The following FRMPD2 variants were observed in gnomAD, a reference collection of about 807,000 sequenced individuals.
FRMPD2 encodes the protein FERM and PDZ domain containing 2.
FRMPD2 carries 96 observed loss-of-function variants against 140.1 expected under a neutral mutation model. The ratio of observed to expected loss-of-function variants is 0.69; its 90% CI spans 0.58 to 0.81. FRMPD2 has a LOEUF of 0.81. FRMPD2 is among the 40% of genes least tolerant of loss of function. The probability of loss-of-function intolerance (pLI) is 0.00; values close to 1 mark genes in which losing one functional copy is unlikely to be tolerated. For missense variants in FRMPD2, 1,240 were observed against 1,447.4 expected (o/e 0.86, Z 2.32); for synonymous variants, 449 against 547.6 (o/e 0.82, Z 2.52).
chr10:48,235,425 T>C (rs1398925345), intron 9 of FRMPD2, among the ~76,000 whole-genome samples: 3 of 152,004 alleles, frequency 2.0e-5, no homozygotes, highest in African/African-American at 7.3e-5. Context: ...AGGACTCAGG[T>C]GTAGAGGAAA....
At chr10:48,246,810 AAG>A (rs538332332) in intron 3 of FRMPD2, among the ~76,000 whole-genome samples, 110 of 152,340 alleles carry the variant, frequency 7.2e-4, no homozygotes, top group African/African-American at 2.4e-3. Flanking sequence ...AAACTGGATG[AAG>A]AGAGGAGCCT....
At chr10:48,205,685 T>A (rs1208006502) in intron 14 of FRMPD2, among the ~76,000 whole-genome samples, 3 of 152,104 alleles carry the variant, frequency 2.0e-5, no homozygotes, top group Non-Finnish European at 4.4e-5. Flanking sequence ...CAAAATAATT[T>A]GAAAAAAAGT....
intron 26 of FRMPD2, among the ~76,000 whole-genome samples, chr10:48,170,539 G>A (rs1838213218): frequency 6.6e-6 from 1 of 151,608 alleles, no homozygotes; most frequent in Non-Finnish European, 1.5e-5. Context: ...CCAGGACTCT[G>A]TCTAATATAT....
intron 18 of FRMPD2, 38 bp downstream of exon 18, chr10:48,185,515 A>G (rs1838660107): frequency 1.4e-6 from 2 of 1,433,978 alleles, no homozygotes; most frequent in Admixed American, 3.3e-5. Context: ...TTTGCCCAGC[A>G]GTAGAGACTG....
chr10:48,196,675 C>T lies in FRMPD2; in HGVS notation c.1955-3781G>A, dbSNP rs190952465. Among the ~76,000 whole-genome samples the T allele has an allele frequency of 2.1e-3, 317 of 152,200 alleles. 1 individual carries two copies. The highest frequency in any genetic ancestry group is 3.7e-3 in the Non-Finnish European group (254 of 67,998). Reference sequence around the variant, plus strand: ...GGTGTGTGGGACCATCAGCTGGAGGCGGTCAGTTCTCGGCTGCATGTAATC... The same window carrying T: ...GGTGTGTGGGACCATCAGCTGGAGGTGGTCAGTTCTCGGCTGCATGTAATC... On this transcript the variant is annotated intron_variant, in intron 15 of 28. Transcript: ENST00000374201.
chr10:48,184,823 A>G lies in FRMPD2; in HGVS notation c.2418T>C (p.Ser806=). The change falls in exon 19 of 29, where the codon TCT becomes TCC. Residue 806 remains serine (S), a synonymous_variant. Coordinates refer to ENST00000374201, the MANE Select transcript of FRMPD2 (RefSeq NM_001018071.4). The part of the protein sequence containing the change: ...SGQADPGIFI[S]SIIPGGPAEK... ...CTGCTGGTCCTCCAGGTATAATAGA[A>G]GATATAAAAATGCCAGGGTCAGCTT... is the stretch of plus-strand genomic sequence containing the variant. The G allele has an allele frequency of 1.2e-6, 2 of 1,613,964 alleles. No homozygotes were observed. Among genetic ancestry groups the G allele is most frequent in the African/African-American group, 2.7e-5 (2 of 75,054 alleles).
rs534233172 is a variant in FRMPD2, at chr10:48,176,972, C to T, written c.2896-1033G>A. On this transcript the variant is annotated intron_variant, in intron 22 of 28. Coordinates refer to ENST00000374201, the MANE Select transcript of FRMPD2 (RefSeq NM_001018071.4). ...TCCATTCACATATCTCTTGAATTTC[C>T]TCTGAAAATTTTCATCAGCCATAGA... is the stretch of plus-strand genomic sequence containing the variant. Among the ~76,000 whole-genome samples the T allele has an allele frequency of 2.6e-3, 400 of 152,236 alleles. 4 individuals carry two copies. The highest frequency in any genetic ancestry group is 9.3e-3 in the African/African-American group (387 of 41,536).
chr10:48,192,719 G>T lies in FRMPD2; in HGVS notation c.2130C>A (p.Gly710=). The T allele has an allele frequency of 6.2e-7, 1 of 1,614,140 alleles. No homozygotes were observed. Among genetic ancestry groups the T allele is most frequent in the Non-Finnish European group, 8.5e-7 (1 of 1,180,024 alleles). Residue 710 remains glycine, a synonymous_variant, in exon 16 of 29, where the codon GGC becomes GGA. Transcript: ENST00000374201. The stretch of plus-strand genomic sequence containing the variant: ...TGCCTTCTGCTCCAGCCTCCTTGCT[G>T]CCGTCCACGTTGAAGTTATCCATTG... ...STSMDNFNVD[G]SKEAGAEGIG... is the part of the protein sequence containing the mutation.
intron 1 of FRMPD2, among the ~76,000 whole-genome samples, chr10:48,271,528 C>T (rs1236085318): frequency 1.3e-5 from 2 of 152,210 alleles, no homozygotes; most frequent in Non-Finnish European, 1.5e-5. Context: ...GTGCACCATC[C>T]TACACATCTC....
At chr10:48,218,074 AG>A (rs1839492739) in intron 12 of FRMPD2, among the ~76,000 whole-genome samples, 1 of 152,188 alleles carries the variant, frequency 6.6e-6, no homozygotes, top group African/African-American at 2.4e-5. Context: ...GCTTGCAGAA[AG>A]CCCCCTTCTC....
chr10:48,206,201 T>C (rs187988175), intron 14 of FRMPD2, among the ~76,000 whole-genome samples: 2 of 152,300 alleles, frequency 1.3e-5, no homozygotes, highest in East Asian at 3.9e-4. Context: ...ATGGGGATTT[T>C]CTATTCAAAA....
At chr10:48,266,529 T>C (rs1174609198) in intron 1 of FRMPD2, among the ~76,000 whole-genome samples, 1 of 152,206 alleles carries the variant, frequency 6.6e-6, no homozygotes, top group Admixed American at 6.5e-5. Context: ...AGTCAAAAAA[T>C]AGACCAATAC....
intron 21 of FRMPD2, chr10:48,178,967 T>A (rs1838478643): frequency 6.6e-6 from 1 of 151,906 alleles, no homozygotes; most frequent in Non-Finnish European, 1.5e-5. Flanking sequence ...ATAGGAATGA[T>A]CTCATTGGGT....
At chr10:48,227,026 CT>C (rs1839737630) in intron 10 of FRMPD2, among the ~76,000 whole-genome samples, 1 of 152,178 alleles carries the variant, frequency 6.6e-6, no homozygotes, top group African/African-American at 2.4e-5. Flanking sequence ...TGACAAAAGC[CT>C]GCAAAAGGTG....
At chr10:48,249,538 T>A (rs1303611090) in intron 2 of FRMPD2, among the ~76,000 whole-genome samples, 1 of 152,198 alleles carries the variant, frequency 6.6e-6, no homozygotes, top group Non-Finnish European at 1.5e-5. Flanking sequence ...CCGTAGCTGT[T>A]CATCAGAACC....
chr10:48,249,310 T>C (rs2131964056), intron 2 of FRMPD2, 132 bp from the exon 3 acceptor site: 1 of 771,710 alleles, frequency 1.3e-6, no homozygotes, highest in South Asian at 2.1e-5. Context: ...AGAGGAGACA[T>C]GGAACAGAAT....
chr10:48,274,650 C>G lies in FRMPD2; in HGVS notation c.-83G>C, dbSNP rs368909974. ...AGCAGGGGTCTCTTGCAAGTCTGTC[C>G]GCGGAGCTCCCTGCCACCAGCACTG... On this transcript the variant is annotated 5_prime_UTR_variant, in exon 1 of 29. Transcript: ENST00000374201. The G allele has an allele frequency of 7.6e-7, 1 of 1,316,718 alleles. No individual in the cohort carries two copies. Among genetic ancestry groups the G allele is most frequent in the East Asian group, 2.3e-5 (1 of 43,382 alleles). The allele number at this position is 1,316,718 out of a possible 1,614,324, so 81.6% of individuals were successfully genotyped here. A position where few individuals can be genotyped will look rare whatever the true frequency, so the allele number is the denominator to read the frequency against.
chr10:48,207,755 C>T (rs1350764282), intron 13 of FRMPD2, among the ~76,000 whole-genome samples: 1 of 152,124 alleles, frequency 6.6e-6, no homozygotes, highest in Non-Finnish European at 1.5e-5. Context: ...CATTTGAAGC[C>T]CTCTCAGAAG....
intron 1 of FRMPD2, among the ~76,000 whole-genome samples, chr10:48,266,537 T>A (rs1049560729): frequency 1.3e-5 from 2 of 152,190 alleles, no homozygotes; most frequent in East Asian, 3.8e-4. Flanking sequence ...AATAGACCAA[T>A]ACATATACAT....
Sources: allele counts gnomAD v4.1 joint callset (sites outside exome capture counted in the v4.1 genomes callset), GRCh38; gene constraint gnomAD v4.1.1; transcripts MANE v1.5; gene names NCBI Gene and HGNC (gene_info 2026-07-23, HGNC 2026-07-21).